Variants in LGR4 observed in about 807,000 individuals in gnomAD.
LGR4 encodes the protein leucine-rich repeat-containing G protein-coupled receptor 4.
Under a neutral mutation model 84.8 loss-of-function variants are expected in LGR4, and 44 were observed. That is an observed-to-expected ratio of 0.52 (90% CI 0.41 to 0.67). The LOEUF is 0.67. Among genes scored for constraint, LGR4 ranks in the 30% least tolerant of loss-of-function variants. The pLI is 0.00. For missense variants in LGR4, 1,032 were observed against 1,131.4 expected, an observed-to-expected ratio of 0.91 and a Z score of 1.26; for synonymous variants, 429 against 434.3, an observed-to-expected ratio of 0.99 and a Z score of 0.15.
At chr11:27,423,189 C>T (rs1452965244) in intron 1 of LGR4, among the ~76,000 whole-genome samples, 1 of 152,202 alleles carries the variant, frequency 6.6e-6, no homozygotes, top group African/African-American at 2.4e-5. Context: ...ACTGTTTGTA[C>T]ATCCAATAAG....
chr11:27,375,603 C>T (rs1277260468), intron 13 of LGR4, among the ~76,000 whole-genome samples: 4 of 152,148 alleles, frequency 2.6e-5, no homozygotes, highest in South Asian at 2.1e-4. Flanking sequence ...ATATACTCTC[C>T]GCTGCAACTA....
At chr11:27,400,576 G>A (rs1590363517) in intron 2 of LGR4, among the ~76,000 whole-genome samples, 6 of 151,024 alleles carry the variant, frequency 4.0e-5, no homozygotes, top group Admixed American at 2.0e-4. Context: ...AATCTCGGCT[G>A]ACTGCAACCT....
intron 1 of LGR4, among the ~76,000 whole-genome samples, chr11:27,416,253 C>T (rs916357518): frequency 8.5e-5 from 13 of 152,100 alleles, no homozygotes; most frequent in African/African-American, 3.1e-4. Context: ...ACTGGGAGTA[C>T]GGGCTTTGGC....
intron 1 of LGR4, among the ~76,000 whole-genome samples, chr11:27,456,436 A>G (rs915027641): frequency 2.0e-5 from 3 of 152,240 alleles, no homozygotes; most frequent in African/African-American, 7.2e-5. Context: ...TGACTTCCCT[A>G]TAAAAACATC....
chr11:27,386,694 A>C (rs1387150787), intron 4 of LGR4, among the ~76,000 whole-genome samples: 1 of 152,056 alleles, frequency 6.6e-6, no homozygotes, highest in African/African-American at 2.4e-5. Context: ...CCCCAGATGC[A>C]TTTTCCCTTC....
rs1862803078 is a variant in LGR4, at chr11:27,368,092, T to C, written c.2631A>G (p.Lys877=). Residue 877 remains lysine (K), a synonymous_variant, in exon 18 of 18, where the codon AAA becomes AAG. Coordinates refer to ENST00000379214, the MANE Select transcript of LGR4 (RefSeq NM_018490.5). ...TKPVSCKHLI[K]SHSCPALAVA... is the part of the protein sequence containing the mutation. ...CTGCCAATGCAGGACAGCTGTGTGA[T>C]TTTATCAAGTGTTTGCATGATACTG... The C allele has an allele frequency of 6.2e-7, 1 of 1,614,120 alleles. No individual in the cohort carries two copies. The highest frequency in any genetic ancestry group is 1.1e-5 in the South Asian group (1 of 91,084).
At chr11:27,373,900 C>T (rs77328098) in intron 14 of LGR4, 75 bp downstream of exon 14, 60,850 of 1,144,558 alleles carry the variant, frequency 0.053, 2,130 homozygotes, top group Non-Finnish European at 0.062. Flanking sequence ...TATTTTGATT[C>T]GACAATGTTA....
intron 2 of LGR4, among the ~76,000 whole-genome samples, chr11:27,408,952 C>T (rs560475892): frequency 2.0e-5 from 3 of 152,098 alleles, no homozygotes; most frequent in African/African-American, 2.4e-5. Context: ...GAATTTGGGG[C>T]CACAATCTAT....
In LGR4 at chr11:27,366,615, A is replaced by T. The variant is rs899478971; in HGVS notation, c.*1252T>A. 1 of 152,584 alleles carries T rather than the reference A, an allele frequency of 6.6e-6. No individual in the cohort carries two copies. The highest frequency in any genetic ancestry group is 1.5e-5 in the Non-Finnish European group (1 of 67,970). The allele number at this position is 152,584 out of a possible 1,614,324, so 9.5% of individuals were successfully genotyped here. On this transcript the variant is annotated 3_prime_UTR_variant, in exon 18 of 18. Coordinates refer to ENST00000379214, the MANE Select transcript of LGR4 (RefSeq NM_018490.5). The stretch of plus-strand genomic sequence containing the variant: ...TCAAAAAACATATTGAACAATTATA[A>T]CTTTAAGACTCCACCCAGTAATAGG...
At chr11:27,399,840 A>G (rs1863465218) in intron 2 of LGR4, among the ~76,000 whole-genome samples, 1 of 152,136 alleles carries the variant, frequency 6.6e-6, no homozygotes. Flanking sequence ...TAAAAAGCAA[A>G]ATACATACTT....
Position 27,371,654 on chromosome 11 carries a change from C to G in LGR4, c.1540G>C (p.Glu514Gln). The G allele has an allele frequency of 6.2e-7, 1 of 1,613,272 alleles. No individual in the cohort carries two copies. The highest frequency in any genetic ancestry group is 8.5e-7 in the Non-Finnish European group (1 of 1,179,566). ...CAATGGATAATTATTTGACTATGTT[C>G]TTCATTTTCAAGAGTGCTTGTGACA... ...ANVTSTLENE[E>Q]HSQIIIHCTP... The change falls in exon 17 of 18, where the codon GAA becomes CAA. Residue 514 changes from glutamate (E) to glutamine (Q), a missense_variant. Glu to Gln is a conservative substitution (Grantham distance 29). Coordinates refer to ENST00000379214, the MANE Select transcript of LGR4 (RefSeq NM_018490.5).
chr11:27,414,804 CGATAG>C lies in LGR4; in HGVS notation c.186-1949_186-1945del, dbSNP rs1565085200. 2.6e-5 allele frequency among the ~76,000 whole-genome samples: 4 copies of C among 152,068 alleles called. 1 individual carries two copies. The highest frequency in any genetic ancestry group is 9.7e-5 in the African/African-American group (4 of 41,398). ...CCCACACTGCCACATAGCCATTGTA[CGATAG>C]TGGGCCTCCATCTGCTCATCAGTAA... On this transcript the variant is annotated intron_variant, in intron 1 of 17. Coordinates refer to ENST00000379214, the MANE Select transcript of LGR4 (RefSeq NM_018490.5).
Position 27,430,779 on chromosome 11 carries a change from G to A in LGR4, c.186-17919C>T, listed in dbSNP as rs1386970745. 1.3e-5 allele frequency among the ~76,000 whole-genome samples: 2 copies of A among 152,032 alleles called. 1 individual carries two copies. Among genetic ancestry groups the A allele is most frequent in the African/African-American group, 4.8e-5 (2 of 41,388 alleles). On this transcript the variant is annotated intron_variant, in intron 1 of 17. Coordinates refer to ENST00000379214, the MANE Select transcript of LGR4 (RefSeq NM_018490.5). ...AGTCAAAGCAATCTTTTTAAAACAA[G>A]AAGACAATTCATGCCAATCCAGTGC...
chr11:27,393,328 A>G (rs1863320224), intron 2 of LGR4, among the ~76,000 whole-genome samples: 1 of 152,114 alleles, frequency 6.6e-6, no homozygotes, highest in Non-Finnish European at 1.5e-5. Context: ...AAGGTTTTCA[A>G]ATGTGTACTC....
At chr11:27,418,273 T>C (rs1213825533) in intron 1 of LGR4, among the ~76,000 whole-genome samples, 1 of 152,174 alleles carries the variant, frequency 6.6e-6, no homozygotes, top group African/African-American at 2.4e-5. Flanking sequence ...CAAGAACAGC[T>C]ACATGAAGAT....
intron 1 of LGR4, among the ~76,000 whole-genome samples, chr11:27,460,892 CT>C (rs879451978): frequency 3.5e-3 from 506 of 143,718 alleles, no homozygotes; most frequent in Middle Eastern, 0.011. Flanking sequence ...ACATCTCAAA[CT>C]TTTTTTTTTT....
chr11:27,416,580 G>A (rs1340292356), intron 1 of LGR4, among the ~76,000 whole-genome samples: 1 of 152,122 alleles, frequency 6.6e-6, no homozygotes, highest in East Asian at 1.9e-4. Flanking sequence ...TTTTACAGAA[G>A]ACACTAAATG....
intron 1 of LGR4, among the ~76,000 whole-genome samples, chr11:27,429,808 G>A (rs1346985458): frequency 6.6e-6 from 1 of 152,164 alleles, no homozygotes; most frequent in African/African-American, 2.4e-5. Flanking sequence ...GAAACACAAG[G>A]TTTGAAGAGG....
chr11:27,434,211 C>T (rs1051427034), intron 1 of LGR4, among the ~76,000 whole-genome samples: 3 of 152,162 alleles, frequency 2.0e-5, no homozygotes, highest in African/African-American at 7.2e-5. Flanking sequence ...TGGAACCTGA[C>T]GAGGCAGCCA....
Sources: allele counts gnomAD v4.1 joint callset (sites outside exome capture counted in the v4.1 genomes callset), GRCh38; gene constraint gnomAD v4.1.1; transcripts MANE v1.5; gene names NCBI Gene and HGNC (gene_info 2026-07-23, HGNC 2026-07-21).